EYS: variants seen among roughly 807,000 people sequenced by gnomAD.
EYS encodes the protein protein eyes shut homolog.
In EYS, 250 loss-of-function variants were observed where a neutral mutation model predicts 282.1. The observed-to-expected ratio is 0.89, with a 90% CI of 0.80 to 0.98. The LOEUF (loss-of-function observed/expected upper bound fraction) is 0.98, where lower values mean the gene tolerates loss of function less well. Ranked by LOEUF, EYS falls within the 50% of genes least tolerant of loss-of-function variation. The pLI, the probability that EYS is intolerant of heterozygous loss-of-function variation, is 0.00. For synonymous variants in EYS, 1,355 were observed against 1,282.9 expected (o/e 1.06, Z -1.20); for missense variants, 4,016 against 3,709.0 (o/e 1.08, Z -2.15).
Position 64,672,484 on chromosome 6 carries a change from G to A in EYS, c.3444-46239C>T, listed in dbSNP as rs73440816. ...TTGAACCTCCCTCAAGCCTTTTAAA[G>A]TATTCAAGGGAGGCATAAAAGAAAT... On this transcript the variant is annotated intron_variant, in intron 22 of 42. Coordinates refer to ENST00000503581, the MANE Select transcript of EYS (RefSeq NM_001142800.2). Among the ~76,000 whole-genome samples the A allele has an allele frequency of 4.4e-3, 665 of 152,242 alleles. 4 individuals carry two copies. Among genetic ancestry groups the A allele is most frequent in the African/African-American group, 0.015 (613 of 41,554 alleles).
At chr6:65,102,428 C>T (rs940087015) in intron 12 of EYS, among the ~76,000 whole-genome samples, 8 of 151,122 alleles carry the variant, frequency 5.3e-5, no homozygotes, top group African/African-American at 1.9e-4. Flanking sequence ...AATAGACAAA[C>T]CCAGTATTCA....
chr6:65,496,523 T>C (rs1276207747), intron 2 of EYS, among the ~76,000 whole-genome samples: 2 of 152,076 alleles, frequency 1.3e-5, no homozygotes, highest in Non-Finnish European at 2.9e-5. Context: ...AAAAAACGTG[T>C]TCTTTGGATC....
At chr6:64,354,140 A>G (rs1157139344) in intron 29 of EYS, among the ~76,000 whole-genome samples, 1 of 151,644 alleles carries the variant, frequency 6.6e-6, no homozygotes, top group Non-Finnish European at 1.5e-5. Flanking sequence ...ACAAAAAGGT[A>G]ACACGATAGA....
chr6:63,759,010 A>G (rs1239549529), intron 41 of EYS, among the ~76,000 whole-genome samples: 4 of 152,098 alleles, frequency 2.6e-5, no homozygotes, highest in Admixed American at 1.3e-4. Flanking sequence ...GACTCAGTAT[A>G]TAAAACATTT....
intron 28 of EYS, among the ~76,000 whole-genome samples, chr6:64,431,265 T>C (rs1774567486): frequency 6.6e-6 from 1 of 152,140 alleles, no homozygotes; most frequent in South Asian, 2.1e-4. Flanking sequence ...TGTATGGGTC[T>C]CTCTCTATGC....
chr6:64,308,473 C>T (rs1400667976), intron 29 of EYS, among the ~76,000 whole-genome samples: 3 of 151,994 alleles, frequency 2.0e-5, no homozygotes, highest in Non-Finnish European at 4.4e-5. Flanking sequence ...CATTCAGATG[C>T]TGTCCTCTGA....
intron 22 of EYS, among the ~76,000 whole-genome samples, chr6:64,700,852 T>G (rs1770761357): frequency 6.6e-6 from 1 of 151,928 alleles, no homozygotes; most frequent in Non-Finnish European, 1.5e-5. Flanking sequence ...TCATCACGTT[T>G]TACAGAATAA....
chr6:63,826,978 A>T (rs1333686148), intron 36 of EYS, among the ~76,000 whole-genome samples: 1 of 152,184 alleles, frequency 6.6e-6, no homozygotes, highest in East Asian at 1.9e-4. Context: ...CACTTAAAAG[A>T]TACAGAACAG....
chr6:64,737,361 T>G (rs936090242), intron 22 of EYS, among the ~76,000 whole-genome samples: 33 of 152,334 alleles, frequency 2.2e-4, no homozygotes, highest in Admixed American at 2.2e-3. Flanking sequence ...AAAATATAAT[T>G]TATGATGTTA....
At chr6:65,544,225 T>A (rs577530302) in intron 2 of EYS, among the ~76,000 whole-genome samples, 2 of 152,322 alleles carry the variant, frequency 1.3e-5, no homozygotes, top group East Asian at 3.9e-4. Context: ...AGCTCATTAC[T>A]CATGAGAACA....
chr6:65,012,818 A>G (rs1276564166), intron 13 of EYS, among the ~76,000 whole-genome samples: 4 of 151,138 alleles, frequency 2.6e-5, no homozygotes, highest in Admixed American at 6.6e-5. Context: ...AGCAAAAAAA[A>G]AAAAAAAATG....
chr6:64,172,810 C>A (rs1764521642), intron 31 of EYS, among the ~76,000 whole-genome samples: 1 of 152,048 alleles, frequency 6.6e-6, no homozygotes, highest in South Asian at 2.1e-4. Flanking sequence ...GAGCAGGAAC[C>A]CTATTGTGAA....
chr6:64,072,627 AT>A (rs1414958480), intron 32 of EYS, among the ~76,000 whole-genome samples: 3 of 151,890 alleles, frequency 2.0e-5, no homozygotes, highest in Non-Finnish European at 2.9e-5. Context: ...ATAAAATGGC[AT>A]AAGGCGGTTC....
At chr6:65,028,219 A>G (rs989143157) in intron 13 of EYS, among the ~76,000 whole-genome samples, 7 of 152,046 alleles carry the variant, frequency 4.6e-5, no homozygotes, top group Non-Finnish European at 7.4e-5. Context: ...AGAAACTCCA[A>G]TGCTTTACTC....
intron 35 of EYS, among the ~76,000 whole-genome samples, chr6:63,910,157 T>C (rs1365686701): frequency 6.6e-6 from 1 of 152,108 alleles, no homozygotes; most frequent in African/African-American, 2.4e-5. Flanking sequence ...CCCCATAAGA[T>C]AGAATTAAGC....
intron 29 of EYS, among the ~76,000 whole-genome samples, chr6:64,351,809 G>T (rs891144525): frequency 1.3e-5 from 2 of 151,376 alleles, no homozygotes; most frequent in South Asian, 2.1e-4. Context: ...TATTAAAATG[G>T]GCATATATAT....
intron 12 of EYS, among the ~76,000 whole-genome samples, chr6:65,086,468 A>G (rs1190929010): frequency 6.6e-6 from 1 of 152,156 alleles, no homozygotes; most frequent in Non-Finnish European, 1.5e-5. Context: ...GGGGATGTGT[A>G]TAGCATAGAT....
intron 22 of EYS, among the ~76,000 whole-genome samples, chr6:64,798,073 A>C (rs116714570): frequency 4.6e-5 from 7 of 151,934 alleles, no homozygotes; most frequent in African/African-American, 1.7e-4. Flanking sequence ...TAACAAATAA[A>C]TATTAAGTAA....
At chr6:64,572,825 T>C (rs1234485538) in intron 26 of EYS, among the ~76,000 whole-genome samples, 2 of 152,138 alleles carry the variant, frequency 1.3e-5, no homozygotes, top group Admixed American at 1.3e-4. Flanking sequence ...AGAATAAATA[T>C]TGTGAAAATG....
Sources: gnomAD v4.1 joint callset for allele counts (sites outside exome capture counted in the v4.1 genomes callset) on GRCh38, gnomAD v4.1.1 for gene constraint, MANE v1.5 for transcripts, NCBI Gene and HGNC (gene_info 2026-07-23, HGNC 2026-07-21) for gene names.